ZBTB1: variants seen among roughly 807,000 people sequenced by gnomAD.
ZBTB1 encodes zinc finger and BTB domain-containing protein 1.
A neutral mutation model predicts 51.6 loss-of-function variants in ZBTB1; 13 were observed. The ratio of observed to expected loss-of-function variants is 0.25; its 90% CI spans 0.16 to 0.40. ZBTB1 has a LOEUF of 0.40. Among genes scored for constraint, ZBTB1 ranks in the 10% least tolerant of loss-of-function variants. ZBTB1 has a pLI of 1.00. For missense variants in ZBTB1, 567 were observed against 856.5 expected (o/e 0.66, Z 4.22); for synonymous variants, 240 against 282.2 (o/e 0.85, Z 1.50).
downstream of ZBTB1, among the ~76,000 whole-genome samples, chr14:64,528,344 CTTTTT>C (rs71123857): frequency 0.19 from 22,360 of 115,684 alleles, 1,721 homozygotes; most frequent in South Asian, 0.24. Context: ...TTTTTCTTTT[CTTTTT>C]TTTTTTTTTT....
intron 1 of ZBTB1, among the ~76,000 whole-genome samples, chr14:64,507,657 G>T (rs1346310192): frequency 3.9e-5 from 6 of 152,122 alleles, no homozygotes; most frequent in Non-Finnish European, 8.8e-5. Flanking sequence ...GTTTTGCATT[G>T]GGCTGATTTA....
exon 3 of ZBTB1, chr14:64,531,968 G>T: frequency 1.3e-6 from 2 of 1,567,004 alleles, no homozygotes. Context: ...ACAGACCCAG[G>T]AATATCAGAT....
intron 1 of ZBTB1, among the ~76,000 whole-genome samples, chr14:64,513,213 C>G (rs1420818357): frequency 4.0e-5 from 6 of 151,832 alleles, no homozygotes; most frequent in Non-Finnish European, 8.8e-5. Context: ...GTGTGCATAT[C>G]TCACACATAT....
chr14:64,523,854 T>G lies in ZBTB1; in HGVS notation c.*208T>G, dbSNP rs1230088565. ...TTTTTGTTGTTTCTTAATAGAATTATTTGTTTTTAGTTTTTCTTAGCTATG... is the reference window on the plus strand; with the variant it reads ...TTTTTGTTGTTTCTTAATAGAATTAGTTGTTTTTAGTTTTTCTTAGCTATG... On this transcript the variant is annotated 3_prime_UTR_variant, in exon 2 of 2. Coordinates refer to ENST00000683701, the MANE Select transcript of ZBTB1 (RefSeq NM_001123329.2). The surrounding 1 kb of genome is among the most constrained non-coding windows in gnomAD (Gnocchi z 4.5). The G allele has an allele frequency of 4.8e-6, 6 of 1,248,600 alleles. No homozygotes were observed. In the East Asian group the frequency reaches 1.6e-4, roughly 33 times the overall value. The allele number at this position is 1,248,600 out of a possible 1,614,324, so 77.3% of individuals were successfully genotyped here.
intron 1 of ZBTB1, chr14:64,505,158 C>T (rs1239356023): frequency 1.2e-5 from 4 of 337,258 alleles, no homozygotes; most frequent in African/African-American, 8.6e-5. Context: ...TGCGGCCTCC[C>T]TGAGTCGGAG....
chr14:64,512,184 G>A (rs143664598), intron 1 of ZBTB1, among the ~76,000 whole-genome samples: 16 of 152,320 alleles, frequency 1.1e-4, no homozygotes, highest in African/African-American at 3.8e-4. Flanking sequence ...CCTCTGAGAA[G>A]TATGATTATC....
downstream of ZBTB1, among the ~76,000 whole-genome samples, chr14:64,526,611 A>G (rs998333511): frequency 1.3e-5 from 2 of 152,220 alleles, no homozygotes; most frequent in Admixed American, 1.3e-4. Context: ...CATCAACTAT[A>G]GTACAATACA....
At chr14:64,516,895 A>G (rs919052339) in intron 1 of ZBTB1, 5 of 152,232 alleles carry the variant, frequency 3.3e-5, no homozygotes, top group African/African-American at 4.8e-5. Context: ...AGATGTGCCT[A>G]TCATATTGAT....
upstream of ZBTB1, chr14:64,504,645 G>A (rs1451668205): frequency 6.0e-6 from 2 of 330,698 alleles, no homozygotes; most frequent in Non-Finnish European, 1.1e-5. Context: ...GGGTGGGCGG[G>A]CGAGAGGGAG....
chr14:64,506,406 G>C (rs2079657022), intron 1 of ZBTB1, among the ~76,000 whole-genome samples: 1 of 152,132 alleles, frequency 6.6e-6, no homozygotes, highest in East Asian at 1.9e-4. Flanking sequence ...GGTGGCGGGC[G>C]CCTGTAATCC....
chr14:64,513,135 G>C (rs79973115), intron 1 of ZBTB1, among the ~76,000 whole-genome samples: 1 of 151,850 alleles, frequency 6.6e-6, no homozygotes, highest in East Asian at 1.9e-4. Flanking sequence ...CCTATATATG[G>C]ATACATACAC....
intron 1 of ZBTB1, among the ~76,000 whole-genome samples, chr14:64,511,579 G>C (rs982534691): frequency 2.0e-5 from 3 of 152,204 alleles, no homozygotes; most frequent in Admixed American, 6.5e-5. Flanking sequence ...ATCTTCAGAA[G>C]ATGTTGTGCT....
At chr14:64,507,375 ATGT>A (rs2079676830) in intron 1 of ZBTB1, among the ~76,000 whole-genome samples, 1 of 152,226 alleles carries the variant, frequency 6.6e-6, no homozygotes, top group Non-Finnish European at 1.5e-5. Flanking sequence ...CAAAATGGAA[ATGT>A]TTTTTATTAT....
At chr14:64,520,519 T>C (rs2140162461) in intron 1 of ZBTB1, among the ~76,000 whole-genome samples, 1 of 152,234 alleles carries the variant, frequency 6.6e-6, no homozygotes, top group East Asian at 1.9e-4. Context: ...TAAGGCGAGA[T>C]CTTGCTATGT....
intron 2 of ZBTB1, among the ~76,000 whole-genome samples, chr14:64,530,274 A>G (rs1209517061): frequency 6.6e-6 from 1 of 152,250 alleles, no homozygotes; most frequent in Non-Finnish European, 1.5e-5. Flanking sequence ...AGTGTTAAAT[A>G]TAAACTAAAT....
rs1285178246 is a variant in ZBTB1 at position 64,511,937 on chromosome 14, G to A, written c.-19+6991G>A. On this transcript the variant is annotated intron_variant, in intron 1 of 1. Coordinates refer to ENST00000683701, the MANE Select transcript of ZBTB1 (RefSeq NM_001123329.2). ...GAGTAGTATGAAGAGCCCTAGACCAGGATTGAGGAGACCAAGGTCTTATCC... is the reference window on the plus strand; with the variant it reads ...GAGTAGTATGAAGAGCCCTAGACCAAGATTGAGGAGACCAAGGTCTTATCC... Among the ~76,000 whole-genome samples, 3 of 152,270 alleles carry A rather than the reference G, an allele frequency of 2.0e-5. No homozygotes were observed. In the East Asian group the frequency reaches 5.8e-4, roughly 29 times the overall value.
intron 2 of ZBTB1, among the ~76,000 whole-genome samples, chr14:64,531,001 G>A (rs988214204): frequency 6.6e-6 from 1 of 152,004 alleles, no homozygotes; most frequent in Non-Finnish European, 1.5e-5. Context: ...TCAGAGTCAG[G>A]GATATTAATA....
chr14:64,531,794 T>G, intron 2 of ZBTB1: 6 of 1,592,584 alleles, frequency 3.8e-6, no homozygotes, highest in Non-Finnish European at 5.2e-6. Flanking sequence ...AGAATTATGT[T>G]GTATCTTGTA....
rs566174569 is a variant in ZBTB1, at chr14:64,523,942, G to T, written c.*296G>T. Reference sequence around the variant, plus strand: ...CCCATTCAATGACTATTAAACTTTAGTTTTTCATCAATAAGGTGATGACTT... The same window carrying T: ...CCCATTCAATGACTATTAAACTTTATTTTTTCATCAATAAGGTGATGACTT... On this transcript the variant is annotated 3_prime_UTR_variant, in exon 2 of 2. Coordinates refer to ENST00000683701, the MANE Select transcript of ZBTB1 (RefSeq NM_001123329.2). This position sits in a 1 kb window ranked among gnomAD's most constrained non-coding sequence, Gnocchi z 4.5. 8 of 1,040,354 alleles carry T rather than the reference G, an allele frequency of 7.7e-6. No homozygotes were observed. The highest frequency in any genetic ancestry group is 8.1e-5 in the East Asian group (1 of 12,356). The allele number at this position is 1,040,354 out of a possible 1,614,324, so 64.4% of individuals were successfully genotyped here.
Sources: gnomAD v4.1 joint callset for allele counts (sites outside exome capture counted in the v4.1 genomes callset) on GRCh38, gnomAD v4.1.1 for gene constraint, Gnocchi (gnomAD v3.1) non-coding constraint, MANE v1.5 for transcripts, NCBI Gene and HGNC (gene_info 2026-07-23, HGNC 2026-07-21) for gene names.